C7: variants seen among roughly 807,000 people sequenced by gnomAD.
The protein encoded by C7 is complement C7.
Under a neutral mutation model 104.8 loss-of-function variants are expected in C7, and 83 were observed. That is an observed-to-expected ratio of 0.79 (90% CI 0.66 to 0.95). The LOEUF is 0.95. C7 is among the 40% of genes least tolerant of loss of function. The pLI is 0.00. For missense variants in C7, 1,070 were observed against 1,011.2 expected (o/e 1.06, Z -0.79); for synonymous variants, 415 against 360.6 (o/e 1.15, Z -1.71).
intron 4 of C7, among the ~76,000 whole-genome samples, chr5:40,935,254 A>G (rs1460842680): frequency 6.6e-6 from 1 of 152,182 alleles, no homozygotes; most frequent in East Asian, 1.9e-4. Flanking sequence ...ATATTGTACC[A>G]TCTGTCATTT....
chr5:40,977,880 T>A (rs566364662), intron 16 of C7, among the ~76,000 whole-genome samples: 4 of 152,258 alleles, frequency 2.6e-5, no homozygotes, highest in Admixed American at 1.3e-4. Context: ...ACGCCTGCAC[T>A]CCCAGCACTT....
rs188523540 is a variant in C7 at position 40,947,517 on chromosome 5, T to C, written c.739-85T>C. On this transcript the variant is annotated intron_variant, in intron 7 of 17. Coordinates refer to ENST00000313164, the MANE Select transcript of C7 (RefSeq NM_000587.4). The stretch of plus-strand genomic sequence containing the variant: ...GTCTTGGTTGATTGGAGATGAGAGC[T>C]GATGAAGGTATTGAACAGAGAACTA... 9 of 1,423,922 alleles carry C rather than the reference T, an allele frequency of 6.3e-6. No homozygotes were observed. The Admixed American group carries it at 1.0e-4, about 16-fold the overall frequency. The allele number at this position is 1,423,922 out of a possible 1,614,324, so 88.2% of individuals were successfully genotyped here.
At chr5:40,913,530 T>C (rs1028073111) in intron 1 of C7, among the ~76,000 whole-genome samples, 2 of 152,268 alleles carry the variant, frequency 1.3e-5, no homozygotes, top group East Asian at 3.9e-4. Context: ...TGTCTTGCTC[T>C]GTTATCCAGG....
chr5:40,926,066 G>T (rs1433480290), intron 1 of C7, among the ~76,000 whole-genome samples: 3 of 152,114 alleles, frequency 2.0e-5, no homozygotes, highest in African/African-American at 4.8e-5. Flanking sequence ...CATCTACCAC[G>T]ATCAAATGGG....
At chr5:40,909,801 A>T (rs987415437) in intron 1 of C7, among the ~76,000 whole-genome samples, 185 bp downstream of exon 1, 2 of 152,232 alleles carry the variant, frequency 1.3e-5, no homozygotes, top group Non-Finnish European at 2.9e-5. Flanking sequence ...TTATTTAAAC[A>T]TATTTAACAG....
intron 1 of C7, among the ~76,000 whole-genome samples, chr5:40,915,334 G>A (rs1216005093): frequency 1.3e-5 from 2 of 152,128 alleles, no homozygotes; most frequent in Non-Finnish European, 2.9e-5. Flanking sequence ...GAGGAGTCAG[G>A]TGGCGCAATT....
In C7 at chr5:40,972,441, CAG is replaced by C. The variant is rs764871530; in HGVS notation, c.1924_1925del (p.His643ProfsTer10). 5.5e-5 allele frequency: 89 copies of C among 1,613,756 alleles called. No individual in the cohort carries two copies. In the Admixed American group the frequency reaches 6.2e-4, roughly 11 times the overall value. On this transcript the variant is annotated frameshift_variant, in exon 15 of 18. Coordinates refer to ENST00000313164, the MANE Select transcript of C7 (RefSeq NM_000587.4). LOFTEE classifies it high-confidence loss of function. ...TCTACCTGTACTGATGGATGGCATA[CAG>C]AGTCACCCCCAAAAACCTTTCTACA... is the stretch of plus-strand genomic sequence containing the variant. ...CVLPVLMDGI[Q>X]SHPQKPFYTV...
intron 15 of C7, among the ~76,000 whole-genome samples, chr5:40,972,864 T>C (rs1740730304): frequency 6.6e-6 from 1 of 152,234 alleles, no homozygotes; most frequent in East Asian, 1.9e-4. Context: ...ATATCTGTTA[T>C]GGTGCCAAGA....
At chr5:40,963,483 A>T (rs1740464771) in intron 13 of C7, among the ~76,000 whole-genome samples, 2 of 152,200 alleles carry the variant, frequency 1.3e-5, no homozygotes, top group African/African-American at 4.8e-5. Flanking sequence ...AAACCTCAGC[A>T]TCAGCCTGGC....
chr5:40,950,043 C>A (rs1248538789), intron 9 of C7, 29 bp downstream of exon 9: 6 of 1,285,232 alleles, frequency 4.7e-6, no homozygotes, highest in Admixed American at 2.2e-5. Flanking sequence ...GTTTGCATTG[C>A]AAGCTTAACT....
At chr5:40,930,166 C>T (rs1739647276) in intron 2 of C7, among the ~76,000 whole-genome samples, 1 of 150,356 alleles carries the variant, frequency 6.7e-6, no homozygotes, top group Non-Finnish European at 1.5e-5. Context: ...ACATCTGTGT[C>T]TCTGTCCTTC....
chr5:40,979,782 A>C lies in C7; in HGVS notation c.2223A>C (p.Thr741=). ...DERSKRILPL[T]VCKMHVLHCQ... is the part of the protein sequence containing the mutation. ...GAAGCAAAAGGATACTGCCTCTGAC[A>C]GTTTGCAAGATGCATGTTCTCCACT... The change falls in exon 17 of 18, where the codon ACA becomes ACC. Residue 741 remains threonine (T), a synonymous_variant. Transcript: ENST00000313164. 6.2e-7 allele frequency: 1 copy of C among 1,613,750 alleles called. No homozygotes were observed. Among genetic ancestry groups the C allele is most frequent in the Non-Finnish European group, 8.5e-7 (1 of 1,179,710 alleles).
chr5:40,981,286 G>A, intron 17 of C7, 106 bp from the exon 18 acceptor site: 1 of 1,071,628 alleles, frequency 9.3e-7, no homozygotes, highest in South Asian at 1.4e-5. Flanking sequence ...ATTCCAGGCA[G>A]GAGCTTCTAC....
intron 1 of C7, among the ~76,000 whole-genome samples, chr5:40,922,839 A>T (rs893677697): frequency 6.6e-6 from 1 of 152,200 alleles, no homozygotes; most frequent in African/African-American, 2.4e-5. Context: ...AAAATGAATT[A>T]GACTTAAATG....
intron 1 of C7, among the ~76,000 whole-genome samples, chr5:40,917,379 G>A (rs1011898606): frequency 6.6e-6 from 1 of 152,022 alleles, no homozygotes; most frequent in South Asian, 2.1e-4. Context: ...AATACTGAAT[G>A]TTTTATTTCT....
intron 15 of C7, among the ~76,000 whole-genome samples, chr5:40,976,509 A>C (rs1229122157): frequency 3.3e-5 from 5 of 152,252 alleles, no homozygotes; most frequent in Non-Finnish European, 5.9e-5. Flanking sequence ...AGTGCATGAC[A>C]AATATAAATG....
chr5:40,958,136 G>A lies in C7; in HGVS notation c.1364G>A (p.Cys455Tyr), dbSNP rs1392325021. ...LEEYLDEFDPCHCRPCQNGGL... is the reference protein window; with the variant it reads ...LEEYLDEFDPYHCRPCQNGGL... ...GAGTATCTGGATGAATTTGACCCCTGTCATTGCCGGCCTTGTCAAAATGGT... is the reference window on the plus strand; with the variant it reads ...GAGTATCTGGATGAATTTGACCCCTATCATTGCCGGCCTTGTCAAAATGGT... Residue 455 changes from cysteine (C) to tyrosine (Y), a missense_variant, in exon 11 of 18, where the codon TGT becomes TAT. Physicochemically the swap from Cys to Tyr is radical, Grantham distance 194. Transcript: ENST00000313164. The A allele has an allele frequency of 6.2e-7, 1 of 1,613,818 alleles. No homozygotes were observed. Among genetic ancestry groups the A allele is most frequent in the East Asian group, 2.2e-5 (1 of 44,870 alleles).
At chr5:40,929,415 A>C (rs1579843881) in intron 2 of C7, among the ~76,000 whole-genome samples, 1 of 152,188 alleles carries the variant, frequency 6.6e-6, no homozygotes, top group East Asian at 1.9e-4. Context: ...TTCAAGGGTC[A>C]AAAGTATTTA....
In C7 at chr5:40,947,758, T is replaced by A. The variant is rs1326638796; in HGVS notation, c.895T>A (p.Tyr299Asn). ...YSAYRRLIDQ[Y>N]GTHYLQSGSL... Reference sequence around the variant, plus strand: ...TGCCTACCGAAGATTAATCGACCAGTACGGGACACATTATCTGCAATCTGG... The same window carrying A: ...TGCCTACCGAAGATTAATCGACCAGAACGGGACACATTATCTGCAATCTGG... The change falls in exon 8 of 18, where the codon TAC becomes AAC. Residue 299 changes from tyrosine (Y) to asparagine (N), a missense_variant. By Grantham distance (143) the Tyr-to-Asn change is moderately radical (BLOSUM62 -2). Coordinates refer to ENST00000313164, the MANE Select transcript of C7 (RefSeq NM_000587.4). 6.2e-7 allele frequency: 1 copy of A among 1,613,644 alleles called. No homozygotes were observed. Among genetic ancestry groups the A allele is most frequent in the Non-Finnish European group, 8.5e-7 (1 of 1,179,736 alleles).
Sources: allele counts gnomAD v4.1 joint callset (sites outside exome capture counted in the v4.1 genomes callset), GRCh38; gene constraint gnomAD v4.1.1; transcripts MANE v1.5; gene names NCBI Gene and HGNC (gene_info 2026-07-23, HGNC 2026-07-21).